Variants in FBN2 observed in about 807,000 individuals in gnomAD.
FBN2 encodes fibrillin 2.
A neutral mutation model predicts 355.6 loss-of-function variants in FBN2; 105 were observed. The observed-to-expected ratio is 0.30, with a 90% CI of 0.25 to 0.35. The LOEUF (loss-of-function observed/expected upper bound fraction) is 0.35, where lower values mean the gene tolerates loss of function less well. Among genes scored for constraint, FBN2 ranks in the 10% least tolerant of loss-of-function variants. The probability of loss-of-function intolerance (pLI) is 1.00; values close to 1 mark genes in which losing one functional copy is unlikely to be tolerated. For missense variants in FBN2, 3,280 were observed against 3,758.7 expected (o/e 0.87, Z 3.33); for synonymous variants, 1,350 against 1,301.2 (o/e 1.04, Z -0.81).
Position 128,504,974 on chromosome 5 carries a change from A to G in FBN2, c.628+14299T>C, listed in dbSNP as rs571408465. Among the ~76,000 whole-genome samples the G allele has an allele frequency of 9.9e-5, 15 of 152,284 alleles. No individual in the cohort carries two copies. In the East Asian group the frequency reaches 1.6e-3, roughly 16 times the overall value. On this transcript the variant is annotated intron_variant, in intron 5 of 64. Transcript: ENST00000262464. ...CTGAATTATGGGAGCAGTTTTCCCC[A>G]TACTGTTCTCATGGTAGTGAATAAG...
intron 36 of FBN2, among the ~76,000 whole-genome samples, chr5:128,317,129 A>T (rs1220739547): frequency 6.6e-6 from 1 of 152,122 alleles, no homozygotes; most frequent in Non-Finnish European, 1.5e-5. Context: ...TCAGTGGTCC[A>T]GTTGGTCTGT....
intron 17 of FBN2, among the ~76,000 whole-genome samples, chr5:128,365,540 G>A (rs1751744092): frequency 6.6e-6 from 1 of 151,838 alleles, no homozygotes; most frequent in Non-Finnish European, 1.5e-5. Context: ...CCTTTTAAAA[G>A]TTTACTTTTC....
intron 60 of FBN2, 112 bp from the exon 61 acceptor site, chr5:128,274,080 G>A: frequency 8.1e-7 from 1 of 1,239,418 alleles, no homozygotes; most frequent in Non-Finnish European, 1.2e-6. Flanking sequence ...ATGTGAAAAT[G>A]GCATTTTGGG....
At chr5:128,345,223 T>C (rs1305050786) in intron 24 of FBN2, 134 bp downstream of exon 24, 4 of 769,724 alleles carry the variant, frequency 5.2e-6, no homozygotes, top group Admixed American at 3.8e-5. Context: ...GGACAGAACA[T>C]TGGTCACAAA....
At chr5:128,386,925 G>A (rs147748339) in intron 11 of FBN2, among the ~76,000 whole-genome samples, 20 of 152,184 alleles carry the variant, frequency 1.3e-4, no homozygotes, top group Admixed American at 1.3e-3. Flanking sequence ...ATCTCTGCCA[G>A]GTGTTGGTAT....
At chr5:128,283,890 T>C (rs1251606204) in intron 55 of FBN2, among the ~76,000 whole-genome samples, 1 of 152,190 alleles carries the variant, frequency 6.6e-6, no homozygotes, top group African/African-American at 2.4e-5. Flanking sequence ...CAAGCAAAAA[T>C]CCTGGGACTT....
At chr5:128,301,559 T>C (rs1197143501) in intron 46 of FBN2, 49 bp from the exon 47 acceptor site, 4 of 1,583,198 alleles carry the variant, frequency 2.5e-6, no homozygotes, top group African/African-American at 2.7e-5. Context: ...TTAACATGTA[T>C]ATTGTTTCAC....
chr5:128,315,851 C>T (rs547825590), intron 36 of FBN2, among the ~76,000 whole-genome samples: 68 of 152,278 alleles, frequency 4.5e-4, no homozygotes, highest in African/African-American at 1.6e-3. Flanking sequence ...TACGGAAATA[C>T]ACTGTCCTTT....
intron 5 of FBN2, among the ~76,000 whole-genome samples, chr5:128,485,579 G>C (rs1405664022): frequency 6.6e-6 from 1 of 152,108 alleles, no homozygotes; most frequent in East Asian, 1.9e-4. Context: ...GAGACTGATA[G>C]CATTTATGTT....
chr5:128,537,139 GGA>G lies in FBN2; in HGVS notation c.254+209_254+210del, dbSNP rs1312309459. 8.5e-5 allele frequency among the ~76,000 whole-genome samples: 13 copies of G among 152,238 alleles called. 1 individual carries two copies. Among genetic ancestry groups the G allele is most frequent in the Non-Finnish European group, 1.6e-4 (11 of 68,016 alleles). On this transcript the variant is annotated intron_variant, in intron 1 of 64. Transcript: ENST00000262464. ...CCTAACCACCCGCCGCCCAACCCCC[GGA>G]GAGAGGGCTTTCCGCCCGCTGAGCT...
chr5:128,435,556 T>C (rs1753750104), intron 7 of FBN2, among the ~76,000 whole-genome samples: 1 of 152,156 alleles, frequency 6.6e-6, no homozygotes, highest in Non-Finnish European at 1.5e-5. Context: ...ATTCCTATTG[T>C]AAAGATGCAG....
intron 19 of FBN2, among the ~76,000 whole-genome samples, chr5:128,360,828 C>T (rs925960270): frequency 6.6e-6 from 1 of 151,198 alleles, no homozygotes; most frequent in African/African-American, 2.4e-5. Context: ...AAACCAAATA[C>T]TTTAACAGAT....
At chr5:128,369,149 T>C (rs1398497074) in intron 16 of FBN2, 33 bp downstream of exon 16, 1 of 1,611,370 alleles carries the variant, frequency 6.2e-7, no homozygotes, top group African/African-American at 1.3e-5. Context: ...TTCTTGATTC[T>C]TTATCAACTG....
At chr5:128,460,902 A>G (rs911531850) in intron 6 of FBN2, among the ~76,000 whole-genome samples, 2 of 152,214 alleles carry the variant, frequency 1.3e-5, no homozygotes, top group African/African-American at 4.8e-5. Flanking sequence ...AAATAACCCT[A>G]GAAGAAAACC....
intron 16 of FBN2, among the ~76,000 whole-genome samples, chr5:128,367,518 C>G (rs936507940): frequency 6.6e-6 from 1 of 151,946 alleles, no homozygotes; most frequent in Non-Finnish European, 1.5e-5. Context: ...AAATATTTTT[C>G]CAGATTACTT....
In FBN2 at chr5:128,304,869, A is replaced by C. The variant is rs999454074; in HGVS notation, c.5800+88T>G. On this transcript the variant is annotated intron_variant, in intron 45 of 64. Coordinates refer to ENST00000262464, the MANE Select transcript of FBN2 (RefSeq NM_001999.4). ...GCAAGATTGTTTCTGACAGAGACAT[A>C]GTAGTTACTCATGGCACTTGATGGA... The C allele has an allele frequency of 2.0e-6, 3 of 1,497,316 alleles. No homozygotes were observed. The African/African-American group carries it at 4.1e-5, about 21-fold the overall frequency. 92.8% of individuals were successfully genotyped at this position (1,497,316 alleles called of 1,614,324 possible).
chr5:128,393,381 A>G lies in FBN2; in HGVS notation c.1232-13T>C, dbSNP rs767414145. ...CTGCGATATTCCTCTAGAAGAAAAG[A>G]AAGTTGGCATTAAGCACAGGTGAAT... On this transcript the variant is annotated splice_polypyrimidine_tract_variant and intron_variant, in intron 9 of 64. Coordinates refer to ENST00000262464, the MANE Select transcript of FBN2 (RefSeq NM_001999.4). 2 of 1,611,182 alleles carry G rather than the reference A, an allele frequency of 1.2e-6. No individual in the cohort carries two copies. The highest frequency in any genetic ancestry group is 3.3e-5 in the Admixed American group (2 of 60,026).
rs764024919 is a variant in FBN2 at position 128,361,655 on chromosome 5, T to A, written c.2554+68A>T. Reference sequence around the variant, plus strand: ...TCTTTTCACTACATTGCTTCATCACTGTAATTGATGTTTATACAACTCCAG... The same window carrying A: ...TCTTTTCACTACATTGCTTCATCACAGTAATTGATGTTTATACAACTCCAG... On this transcript the variant is annotated intron_variant, in intron 19 of 64. Coordinates refer to ENST00000262464, the MANE Select transcript of FBN2 (RefSeq NM_001999.4). 390 of 1,551,178 alleles carry A rather than the reference T, an allele frequency of 2.5e-4. 1 individual carries two copies. Among genetic ancestry groups the A allele is most frequent in the Middle Eastern group, 6.7e-4 (4 of 5,966 alleles).
chr5:128,289,755 TATATACATCCATTAA>T (rs1451393695), intron 51 of FBN2, 112 bp downstream of exon 51: 1 of 659,394 alleles, frequency 1.5e-6, no homozygotes, highest in African/African-American at 1.8e-5. Context: ...AAATAAGGGT[TATATACATCCATTAA>T]ATACAATATA....
Sources: allele counts gnomAD v4.1 joint callset (sites outside exome capture counted in the v4.1 genomes callset), GRCh38; gene constraint gnomAD v4.1.1; transcripts MANE v1.5; gene names NCBI Gene and HGNC (gene_info 2026-07-23, HGNC 2026-07-21).